Variants in PRKG1 observed in about 807,000 individuals in gnomAD.
PRKG1 encodes the protein protein kinase cGMP-dependent 1, also known as cGMP-dependent protein kinase 1.
PRKG1 carries 35 observed loss-of-function variants against 88.1 expected under a neutral mutation model. The ratio of observed to expected loss-of-function variants is 0.40; its 90% CI spans 0.30 to 0.53. The LOEUF is 0.53. Among genes scored for constraint, PRKG1 ranks in the 20% least tolerant of loss-of-function variants. The pLI, the probability that PRKG1 is intolerant of heterozygous loss-of-function variation, is 0.59. For missense variants in PRKG1, 540 were observed against 839.8 expected, an observed-to-expected ratio of 0.64 and a Z score of 4.41; for synonymous variants, 303 against 292.5, an observed-to-expected ratio of 1.04 and a Z score of -0.37.
intron 5 of PRKG1, among the ~76,000 whole-genome samples, chr10:52,001,364 T>TAG (rs201884788): frequency 9.6e-5 from 14 of 145,744 alleles, no homozygotes; most frequent in African/African-American, 3.6e-4. Context: ...GTTCTCACCA[T>TAG]AAAAAAAAAA....
intron 4 of PRKG1, among the ~76,000 whole-genome samples, chr10:51,810,967 A>G (rs1839441579): frequency 6.6e-6 from 1 of 152,196 alleles, no homozygotes; most frequent in Admixed American, 6.5e-5. Context: ...ACAAGGATTA[A>G]ATGATTTTAG....
rs553034100 is a variant in PRKG1, at chr10:51,730,212, G to C, written c.593-74373G>C. On this transcript the variant is annotated intron_variant, in intron 3 of 17. Coordinates refer to ENST00000373980, the MANE Select transcript of PRKG1 (RefSeq NM_006258.4). ...AGGCTGTTGCAAGGATGTGCCCTCA[G>C]GCGAGGGCACAGACCTCTCAACCTA... Among the ~76,000 whole-genome samples, 150 of 152,262 alleles carry C rather than the reference G, an allele frequency of 9.9e-4. 2 individuals are homozygous for C. In the Middle Eastern group the frequency reaches 0.017, roughly 17 times the overall value.
chr10:52,271,633 T>G, intron 11 of PRKG1, 144 bp downstream of exon 11: 1 of 917,560 alleles, frequency 1.1e-6, no homozygotes, highest in Admixed American at 3.2e-5. Context: ...AAAGTTTTGT[T>G]TGATTTCTAA....
chr10:51,350,751 C>T (rs1842223214), intron 2 of PRKG1, among the ~76,000 whole-genome samples: 1 of 152,186 alleles, frequency 6.6e-6, no homozygotes, highest in African/African-American at 2.4e-5. Context: ...AATCAACATA[C>T]AAAAATCAGT....
intron 2 of PRKG1, among the ~76,000 whole-genome samples, chr10:51,191,130 A>C (rs1399425612): frequency 1.3e-5 from 2 of 151,874 alleles, no homozygotes; most frequent in East Asian, 3.9e-4. Context: ...ATCTCTGACC[A>C]TCCAGATTAT....
At chr10:51,143,828 T>C (rs986784457) in intron 1 of PRKG1, among the ~76,000 whole-genome samples, 3 of 152,092 alleles carry the variant, frequency 2.0e-5, no homozygotes, top group Non-Finnish European at 4.4e-5. Flanking sequence ...TTTGGGTTTT[T>C]TTTGCTACTG....
chr10:51,193,972 T>C (rs1227890804), intron 2 of PRKG1, among the ~76,000 whole-genome samples: 1 of 152,186 alleles, frequency 6.6e-6, no homozygotes, highest in Non-Finnish European at 1.5e-5. Flanking sequence ...TCAGGAACAC[T>C]GTCTTTGTAA....
intron 3 of PRKG1, among the ~76,000 whole-genome samples, chr10:51,588,557 C>A (rs1487266987): frequency 6.6e-6 from 1 of 152,026 alleles, no homozygotes; most frequent in Non-Finnish European, 1.5e-5. Context: ...ATGGACTTTG[C>A]GATTTTTAAC....
At chr10:51,047,792 T>C (rs1843509187) in intron 1 of PRKG1, among the ~76,000 whole-genome samples, 1 of 152,076 alleles carries the variant, frequency 6.6e-6, no homozygotes, top group South Asian at 2.1e-4. Context: ...CTATCAAAAA[T>C]GAAAAAAACA....
At chr10:51,865,917 A>G (rs1165920213) in intron 4 of PRKG1, among the ~76,000 whole-genome samples, 1 of 152,038 alleles carries the variant, frequency 6.6e-6, no homozygotes, top group Non-Finnish European at 1.5e-5. Flanking sequence ...ACATAAATAT[A>G]TAGATTAAAT....
At chr10:51,469,185 T>C (rs943955586) in intron 3 of PRKG1, among the ~76,000 whole-genome samples, 1 of 151,864 alleles carries the variant, frequency 6.6e-6, no homozygotes, top group East Asian at 1.9e-4. Flanking sequence ...CATGGCTCCA[T>C]TAAGTGAAAC....
At chr10:51,911,125 T>C (rs1842206688) in intron 5 of PRKG1, 1 of 152,218 alleles carries the variant, frequency 6.6e-6, no homozygotes, top group Non-Finnish European at 1.5e-5. Flanking sequence ...AAAAAATTTA[T>C]GAGAAAAAGT....
At chr10:51,687,783 A>T (rs559283056) in intron 3 of PRKG1, among the ~76,000 whole-genome samples, 5 of 152,312 alleles carry the variant, frequency 3.3e-5, no homozygotes, top group Admixed American at 3.3e-4. Context: ...TACCAATTCA[A>T]TACAACTTCT....
intron 7 of PRKG1, among the ~76,000 whole-genome samples, chr10:52,066,766 T>C (rs963046400): frequency 2.0e-4 from 30 of 152,332 alleles, no homozygotes; most frequent in Admixed American, 5.2e-4. Flanking sequence ...AAATATGAAA[T>C]GTGATTTTGT....
At chr10:51,808,151 T>C (rs1839355653) in intron 4 of PRKG1, among the ~76,000 whole-genome samples, 1 of 152,200 alleles carries the variant, frequency 6.6e-6, no homozygotes, top group Non-Finnish European at 1.5e-5. Flanking sequence ...TACTTTTATC[T>C]CCCTGTTTGT....
chr10:52,271,405 G>C lies in PRKG1; in HGVS notation c.1229G>C (p.Arg410Pro), dbSNP rs201147665. The C allele has an allele frequency of 1.9e-6, 3 of 1,612,748 alleles. No individual in the cohort carries two copies. The highest frequency in any genetic ancestry group is 2.5e-6 in the Non-Finnish European group (3 of 1,179,310). ...KTFAMKILKK[R>P]HIVDTRQQEH... Reference sequence around the variant, plus strand: ...TTTGCAATGAAGATTCTCAAGAAACGTCACATTGTGGACACAAGACAGCAG... The same window carrying C: ...TTTGCAATGAAGATTCTCAAGAAACCTCACATTGTGGACACAAGACAGCAG... Residue 410 changes from arginine to proline, a missense_variant, in exon 11 of 18, where the codon CGT (arginine) becomes CCT (proline). Physicochemically the swap from Arg to Pro is moderately radical, Grantham distance 103. This residue lies in a region of PRKG1 where 400 missense variants were observed against 562.7 expected (regional missense o/e 0.71). Transcript: ENST00000373980.
intron 3 of PRKG1, among the ~76,000 whole-genome samples, chr10:51,731,753 AGTTT>A (rs1420140882): frequency 2.6e-5 from 4 of 152,240 alleles, no homozygotes; most frequent in South Asian, 4.1e-4. Flanking sequence ...AAGCTATGTT[AGTTT>A]GTTAGGACTG....
At position 52,058,187 on chromosome 10, in the gene PRKG1, C is replaced by T. The variant is rs566704189; in HGVS notation, c.840+3626C>T. 9.2e-5 allele frequency among the ~76,000 whole-genome samples: 14 copies of T among 152,074 alleles called. No homozygotes were observed. In the East Asian group the frequency reaches 2.1e-3, roughly 23 times the overall value. Reference sequence around the variant, plus strand: ...ATATAATAGCTATTGGTCACACTTGCTATCTAAAGTAAAATTATCTGACTT... The same window carrying T: ...ATATAATAGCTATTGGTCACACTTGTTATCTAAAGTAAAATTATCTGACTT... On this transcript the variant is annotated intron_variant, in intron 6 of 17. Transcript: ENST00000373980.
intron 1 of PRKG1, among the ~76,000 whole-genome samples, chr10:51,056,430 A>G (rs1329712410): frequency 1.3e-5 from 2 of 152,198 alleles, no homozygotes; most frequent in African/African-American, 2.4e-5. Context: ...CTACTTGGGA[A>G]TGCTTGTTTA....
Sources: gnomAD v4.1 joint callset for allele counts (sites outside exome capture counted in the v4.1 genomes callset) on GRCh38, gnomAD v4.1.1 for gene constraint, gnomAD v4.1.1 regional missense constraint, MANE v1.5 for transcripts, NCBI Gene and HGNC (gene_info 2026-07-23, HGNC 2026-07-21) for gene names.